The following KCNAB1 variants were observed in gnomAD, a reference collection of about 807,000 sequenced individuals.
KCNAB1 encodes the protein potassium voltage-gated channel subfamily A regulatory beta subunit 1, also known as voltage-gated potassium channel subunit beta-1.
Under a neutral mutation model 64.6 loss-of-function variants are expected in KCNAB1, and 35 were observed. The observed-to-expected ratio is 0.54, with a 90% confidence interval of 0.41 to 0.72. The LOEUF (loss-of-function observed/expected upper bound fraction) is 0.72, where lower values mean the gene tolerates loss of function less well. Ranked by LOEUF, KCNAB1 falls within the 30% of genes least tolerant of loss-of-function variation. KCNAB1 has a pLI of 0.00. For synonymous variants in KCNAB1, 177 were observed against 183.8 expected (o/e 0.96, Z 0.30); for missense variants, 401 against 512.9 (o/e 0.78, Z 2.11).
chr3:156,451,618 A>G (rs1712011876), intron 2 of KCNAB1, among the ~76,000 whole-genome samples: 1 of 152,152 alleles, frequency 6.6e-6, no homozygotes. Context: ...TGTTATTACA[A>G]AATGCAAAAT....
intron 1 of KCNAB1, among the ~76,000 whole-genome samples, chr3:156,158,580 T>C (rs553212530): frequency 1.4e-4 from 22 of 152,320 alleles, no homozygotes; most frequent in Admixed American, 4.6e-4. Flanking sequence ...GCTTATATAA[T>C]AAAGGAAACT....
intron 1 of KCNAB1, among the ~76,000 whole-genome samples, chr3:156,416,452 T>G (rs1365121655): frequency 1.3e-5 from 2 of 152,290 alleles, no homozygotes; most frequent in African/African-American, 4.8e-5. Context: ...TGATCCCTGC[T>G]CTCTTTACTA....
chr3:156,433,017 A>G (rs1247668515), intron 2 of KCNAB1, among the ~76,000 whole-genome samples: 1 of 152,082 alleles, frequency 6.6e-6, no homozygotes, highest in Non-Finnish European at 1.5e-5. Flanking sequence ...GTGAACTCTT[A>G]GACACTGCGA....
intron 1 of KCNAB1, among the ~76,000 whole-genome samples, chr3:156,338,726 A>T (rs148545633): frequency 7.8e-4 from 119 of 152,308 alleles, no homozygotes; most frequent in African/African-American, 2.7e-3. Flanking sequence ...ACCATGTCCC[A>T]GGTTCCAGTT....
intron 1 of KCNAB1, among the ~76,000 whole-genome samples, chr3:156,331,171 A>G (rs553606150): frequency 1.3e-5 from 2 of 152,306 alleles, no homozygotes; most frequent in South Asian, 4.1e-4. Flanking sequence ...CTTGCAAACA[A>G]TATTTTCTAA....
intron 2 of KCNAB1, among the ~76,000 whole-genome samples, chr3:156,435,805 G>T (rs1269056538): frequency 6.6e-6 from 1 of 152,028 alleles, no homozygotes; most frequent in Admixed American, 6.5e-5. Flanking sequence ...CTTCACCCAG[G>T]TTCTGTTGTG....
chr3:156,149,963 T>G lies in KCNAB1; in HGVS notation c.275+29077T>G, dbSNP rs570252552. Among the ~76,000 whole-genome samples the G allele has an allele frequency of 2.3e-4, 35 of 152,308 alleles. 1 individual carries two copies. The highest frequency in any genetic ancestry group is 7.9e-4 in the African/African-American group (33 of 41,570). ...CTAGAGCTGTGACTGTGAAAATCAA[T>G]AGCCTAGAAAAATGCTACTCATGCA... On this transcript the variant is annotated intron_variant, in intron 1 of 13. Coordinates refer to ENST00000490337, the MANE Select transcript of KCNAB1 (RefSeq NM_172160.3).
chr3:156,293,128 T>TA (rs1720557689), intron 1 of KCNAB1, among the ~76,000 whole-genome samples: 1 of 152,200 alleles, frequency 6.6e-6, no homozygotes, highest in East Asian at 1.9e-4. Context: ...GGGCATGACT[T>TA]ACATTTGACA....
intron 1 of KCNAB1, among the ~76,000 whole-genome samples, chr3:156,281,208 A>C (rs1224562785): frequency 2.2e-4 from 33 of 148,108 alleles, no homozygotes; most frequent in African/African-American, 8.2e-4. Context: ...CTTTTTCTGC[A>C]TCTATTGAGA....
At chr3:156,451,786 C>G (rs890259500) in intron 2 of KCNAB1, among the ~76,000 whole-genome samples, 1 of 152,072 alleles carries the variant, frequency 6.6e-6, no homozygotes, top group Admixed American at 6.5e-5. Context: ...TGGAGTTTCC[C>G]ACCTCCTTTC....
At chr3:156,444,229 T>C (rs1717237477) in intron 2 of KCNAB1, among the ~76,000 whole-genome samples, 1 of 152,190 alleles carries the variant, frequency 6.6e-6, no homozygotes. Context: ...TAGTTTATCT[T>C]AGTGGCCACA....
intron 5 of KCNAB1, among the ~76,000 whole-genome samples, chr3:156,461,636 G>A (rs980912991): frequency 6.6e-6 from 1 of 152,184 alleles, no homozygotes; most frequent in African/African-American, 2.4e-5. Context: ...GCAACAAGGC[G>A]TAGGCTGCTG....
chr3:156,310,679 C>T (rs1414598462), intron 1 of KCNAB1, among the ~76,000 whole-genome samples: 1 of 152,146 alleles, frequency 6.6e-6, no homozygotes, highest in Non-Finnish European at 1.5e-5. Context: ...TGGCGGGTGC[C>T]TGTATTCCCA....
chr3:156,147,942 C>T (rs1040895371), intron 1 of KCNAB1, among the ~76,000 whole-genome samples: 3 of 134,466 alleles, frequency 2.2e-5, no homozygotes, highest in Non-Finnish European at 4.6e-5. Flanking sequence ...CATGCCAAGA[C>T]ACACACACAC....
chr3:156,501,028 C>T (rs371470772), intron 8 of KCNAB1, among the ~76,000 whole-genome samples: 10 of 152,212 alleles, frequency 6.6e-5, no homozygotes, highest in African/African-American at 2.4e-4. Context: ...GTAGGCCTTT[C>T]CGTCTCTACT....
At chr3:156,425,870 A>T (rs1029313161) in intron 2 of KCNAB1, among the ~76,000 whole-genome samples, 1 of 152,116 alleles carries the variant, frequency 6.6e-6, no homozygotes, top group Non-Finnish European at 1.5e-5. Context: ...GGATAGCTTG[A>T]TGGGGGAACA....
At chr3:156,455,182 A>G (rs539060948) in intron 3 of KCNAB1, among the ~76,000 whole-genome samples, 16 of 152,354 alleles carry the variant, frequency 1.1e-4, no homozygotes, top group African/African-American at 3.8e-4. Flanking sequence ...GCGGACCAAT[A>G]GCAGTGAGTT....
chr3:156,135,720 A>G (rs1714305775), intron 1 of KCNAB1, among the ~76,000 whole-genome samples: 1 of 152,206 alleles, frequency 6.6e-6, no homozygotes, highest in Admixed American at 6.5e-5. Flanking sequence ...TTTACTTTTC[A>G]TGGTGCCATT....
intron 3 of KCNAB1, among the ~76,000 whole-genome samples, chr3:156,454,444 G>C (rs905057463): frequency 2.0e-4 from 31 of 152,172 alleles, no homozygotes; most frequent in Non-Finnish European, 1.0e-4. Flanking sequence ...CTGACCTCGG[G>C]CTAGGTGACT....
Sources: allele counts gnomAD v4.1 joint callset (sites outside exome capture counted in the v4.1 genomes callset), GRCh38; gene constraint gnomAD v4.1.1; transcripts MANE v1.5; gene names NCBI Gene and HGNC (gene_info 2026-07-23, HGNC 2026-07-21).